Variants in PPP3CC observed in about 807,000 individuals in gnomAD.
PPP3CC encodes protein phosphatase 3 catalytic subunit gamma.
PPP3CC carries 35 observed loss-of-function variants against 60.3 expected under a neutral mutation model. That is an observed-to-expected ratio of 0.58 (90% CI 0.44 to 0.77). The LOEUF (loss-of-function observed/expected upper bound fraction) is 0.77, where lower values mean the gene tolerates loss of function less well. Ranked by LOEUF, PPP3CC falls within the 30% of genes least tolerant of loss-of-function variation. PPP3CC has a pLI of 0.00. For missense variants in PPP3CC, 570 were observed against 628.9 expected (o/e 0.91, Z 1.00); for synonymous variants, 206 against 224.3 (o/e 0.92, Z 0.73).
intron 12 of PPP3CC, among the ~76,000 whole-genome samples, chr8:22,538,399 T>C (rs954138732): frequency 6.6e-6 from 1 of 152,258 alleles, no homozygotes; most frequent in East Asian, 1.9e-4. Context: ...ATTTAATACA[T>C]GCCTGCCTAT....
At chr8:22,514,756 C>T (rs1016476503) in intron 6 of PPP3CC, among the ~76,000 whole-genome samples, 1 of 150,138 alleles carries the variant, frequency 6.7e-6, no homozygotes, top group Non-Finnish European at 1.5e-5. Flanking sequence ...TCTCAGCTCA[C>T]CGCATCCTCC....
chr8:22,481,371 A>ATAATAATAATAAT (rs1256988318), intron 3 of PPP3CC, among the ~76,000 whole-genome samples: 2 of 148,610 alleles, frequency 1.3e-5, no homozygotes, highest in African/African-American at 4.9e-5. Context: ...AATAATAATA[A>ATAATAATAATAAT]TAATAATAAT....
chr8:22,525,871 A>ATT (rs578168156), intron 8 of PPP3CC, among the ~76,000 whole-genome samples: 39 of 141,554 alleles, frequency 2.8e-4, no homozygotes, highest in South Asian at 4.5e-4. Context: ...CTTTCATATT[A>ATT]TTTTTTTTTT....
At chr8:22,498,220 CTGT>C (rs900030957) in intron 4 of PPP3CC, 108 bp downstream of exon 4, 80 of 601,426 alleles carry the variant, frequency 1.3e-4, no homozygotes, top group Non-Finnish European at 2.0e-4. Context: ...GCTTCCTGTC[CTGT>C]TGTTATTTTT....
chr8:22,517,956 C>CT (rs1415379592), intron 6 of PPP3CC, among the ~76,000 whole-genome samples: 1 of 151,612 alleles, frequency 6.6e-6, no homozygotes, highest in Non-Finnish European at 1.5e-5. Context: ...TAATTCAGAT[C>CT]TTTTTTGTTT....
intron 3 of PPP3CC, among the ~76,000 whole-genome samples, chr8:22,481,196 G>T (rs533509438): frequency 6.6e-6 from 1 of 152,000 alleles, no homozygotes; most frequent in Non-Finnish European, 1.5e-5. Flanking sequence ...TTAGCCGGGC[G>T]TGGTGGTGGG....
intron 4 of PPP3CC, among the ~76,000 whole-genome samples, chr8:22,498,452 A>C (rs1838655891): frequency 6.6e-6 from 1 of 152,214 alleles, no homozygotes; most frequent in South Asian, 2.1e-4. Context: ...TCAAAAAATA[A>C]AATAAAATAA....
At chr8:22,519,843 A>G in intron 6 of PPP3CC, among the ~76,000 whole-genome samples, 1 of 152,078 alleles carries the variant, frequency 6.6e-6, no homozygotes, top group East Asian at 1.9e-4. Flanking sequence ...TTTAGTAGAG[A>G]TGGGGTTTCA....
chr8:22,525,197 A>G (rs1407531796), intron 8 of PPP3CC, among the ~76,000 whole-genome samples: 2 of 152,182 alleles, frequency 1.3e-5, no homozygotes, highest in Non-Finnish European at 2.9e-5. Context: ...CTACCTGAGT[A>G]TTCTGTCGGC....
chr8:22,522,652 C>T lies in PPP3CC; in HGVS notation c.849-3C>T. ...GACAGATGGACTTTCATCTCTTTTTCAGGTATCGAATGTACAGGAAGAGCC... is the reference window on the plus strand; with the variant it reads ...GACAGATGGACTTTCATCTCTTTTTTAGGTATCGAATGTACAGGAAGAGCC... On this transcript the variant is annotated splice_region_variant and splice_polypyrimidine_tract_variant and intron_variant, in intron 7 of 13. Transcript: ENST00000240139. 1 of 1,599,640 alleles carries T rather than the reference C, an allele frequency of 6.3e-7. No individual in the cohort carries two copies. Among genetic ancestry groups the T allele is most frequent in the Non-Finnish European group, 8.5e-7 (1 of 1,169,778 alleles).
At chr8:22,527,304 T>G in intron 8 of PPP3CC, 88 bp from the exon 9 acceptor site, 1 of 1,409,154 alleles carries the variant, frequency 7.1e-7, no homozygotes, top group Non-Finnish European at 9.6e-7. Context: ...TCTCGAATTC[T>G]GTGTAGCAGG....
intron 4 of PPP3CC, among the ~76,000 whole-genome samples, chr8:22,510,387 A>G (rs1431158887): frequency 6.6e-6 from 1 of 152,206 alleles, no homozygotes; most frequent in African/African-American, 2.4e-5. Flanking sequence ...GAGCAAAAAC[A>G]TTATTGACAT....
intron 1 of PPP3CC, among the ~76,000 whole-genome samples, chr8:22,456,853 T>C (rs559629519): frequency 1.3e-5 from 2 of 152,338 alleles, no homozygotes; most frequent in African/African-American, 2.4e-5. Context: ...TTTGGAAGCA[T>C]TGTTAAATAA....
intron 4 of PPP3CC, among the ~76,000 whole-genome samples, chr8:22,503,932 C>T (rs1838835420): frequency 6.6e-6 from 1 of 152,116 alleles, no homozygotes; most frequent in Admixed American, 6.5e-5. Flanking sequence ...GGTGTTTTTA[C>T]TGATAAGCTG....
In PPP3CC at chr8:22,510,201, AG is replaced by A. The variant is rs1187389566; in HGVS notation, c.485-884del. On this transcript the variant is annotated intron_variant, in intron 4 of 13. Transcript: ENST00000240139. The stretch of plus-strand genomic sequence containing the variant: ...CCGTCTCAAAAAAAAAAAAAAAAAA[AG>A]AGGCCTCACTGTGTTGCCCAGGCTG... 3.5e-4 allele frequency among the ~76,000 whole-genome samples: 51 copies of A among 146,814 alleles called. No individual in the cohort carries two copies. In the East Asian group the frequency reaches 0.011, roughly 32 times the overall value.
chr8:22,477,698 G>T (rs887717597), intron 3 of PPP3CC, among the ~76,000 whole-genome samples: 3 of 151,952 alleles, frequency 2.0e-5, no homozygotes, highest in African/African-American at 7.2e-5. Context: ...CTATACACAG[G>T]TGCGATCATT....
At chr8:22,511,898 T>C (rs994535333) in intron 5 of PPP3CC, among the ~76,000 whole-genome samples, 2 of 152,188 alleles carry the variant, frequency 1.3e-5, no homozygotes, top group African/African-American at 4.8e-5. Flanking sequence ...ACATTTCTTC[T>C]CTATGAAATG....
At chr8:22,474,510 G>A (rs1240504300) in intron 1 of PPP3CC, among the ~76,000 whole-genome samples, 1 of 151,888 alleles carries the variant, frequency 6.6e-6, no homozygotes, top group Non-Finnish European at 1.5e-5. Flanking sequence ...TCGAGAGCAG[G>A]CTGGCCAACA....
chr8:22,492,949 C>T, intron 3 of PPP3CC: 1 of 1,255,304 alleles, frequency 8.0e-7, no homozygotes, highest in East Asian at 2.3e-5. Flanking sequence ...CACTGTCTGA[C>T]TAGTTTAAGG....
Sources: allele counts gnomAD v4.1 joint callset (sites outside exome capture counted in the v4.1 genomes callset), GRCh38; gene constraint gnomAD v4.1.1; transcripts MANE v1.5; gene names NCBI Gene and HGNC (gene_info 2026-07-23, HGNC 2026-07-21).